Variants in ARSG observed in about 807,000 individuals in gnomAD.
The protein encoded by ARSG is ASG.
Under a neutral mutation model 50.5 loss-of-function variants are expected in ARSG, and 37 were observed. The ratio of observed to expected loss-of-function variants is 0.73; its 90% CI spans 0.56 to 0.96. ARSG has a LOEUF of 0.96. ARSG is among the 50% of genes least tolerant of loss of function. The pLI, the probability that ARSG is intolerant of heterozygous loss-of-function variation, is 0.00. For missense variants in ARSG, 629 were observed against 675.3 expected, an observed-to-expected ratio of 0.93 and a Z score of 0.76; for synonymous variants, 225 against 254.6, an observed-to-expected ratio of 0.88 and a Z score of 1.11.
chr17:68,443,986 G>A, the ARSG span, among the ~76,000 whole-genome samples: 5 of 152,032 alleles, frequency 3.3e-5, no homozygotes, highest in Admixed American at 6.5e-5. Context: ...GTTAAATCCC[G>A]AGAATTCAGT....
chr17:68,283,878 CAA>C (rs58291216), intron 1 of ARSG, among the ~76,000 whole-genome samples: 5 of 55,426 alleles, frequency 9.0e-5, no homozygotes, highest in African/African-American at 1.4e-4. Flanking sequence ...AACTCCGTCT[CAA>C]AAAAAAAAAA....
chr17:68,296,301 A>G (rs534052210), intron 1 of ARSG, among the ~76,000 whole-genome samples: 24 of 152,290 alleles, frequency 1.6e-4, no homozygotes, highest in African/African-American at 4.6e-4. Flanking sequence ...TCAAGGCCCA[A>G]TGAATAAAAA....
At chr17:68,313,339 T>A (rs1295829112) in intron 2 of ARSG, among the ~76,000 whole-genome samples, 2 of 152,136 alleles carry the variant, frequency 1.3e-5, no homozygotes, top group East Asian at 3.8e-4. Context: ...AAAATCAAGG[T>A]TATGACTGAA....
At chr17:68,438,601 T>C in the ARSG span, among the ~76,000 whole-genome samples, 2 of 152,172 alleles carry the variant, frequency 1.3e-5, no homozygotes, top group Admixed American at 6.5e-5. Flanking sequence ...TCAGCACATA[T>C]GTTTTGCTTT....
chr17:68,327,624 G>C (rs533952829), intron 2 of ARSG, among the ~76,000 whole-genome samples: 1 of 151,972 alleles, frequency 6.6e-6, no homozygotes, highest in Non-Finnish European at 1.5e-5. Flanking sequence ...ACTCTACTTC[G>C]GTATAATCTC....
In ARSG at chr17:68,271,017, T is replaced by G; in HGVS notation, c.-552+11591T>G. 1 of 1,614,114 alleles carries G rather than the reference T, an allele frequency of 6.2e-7. No homozygotes were observed. The highest frequency in any genetic ancestry group is 8.5e-7 in the Non-Finnish European group (1 of 1,180,032). ...TGCTGCATGACATTAGACCCCAGAA[T>G]TCAGTAGCAAAAGTAAAGGCAAACA... On this transcript the variant is annotated intron_variant, in intron 1 of 11. Coordinates refer to the ARSG transcript ENST00000448504. The surrounding 1 kb of genome is among the most constrained non-coding windows in gnomAD (Gnocchi z 5.3).
chr17:68,324,865 T>A (rs2077441098), intron 2 of ARSG, among the ~76,000 whole-genome samples: 1 of 152,206 alleles, frequency 6.6e-6, no homozygotes, highest in African/African-American at 2.4e-5. Context: ...TAACTTCTTT[T>A]GGGAAATGCT....
chr17:68,406,386 G>T (rs374086864), intron 11 of ARSG, among the ~76,000 whole-genome samples: 1 of 152,090 alleles, frequency 6.6e-6, no homozygotes, highest in Admixed American at 6.6e-5. Context: ...ATGACTTCTT[G>T]TCCTCTGGGT....
intron 2 of ARSG, among the ~76,000 whole-genome samples, chr17:68,320,103 A>G (rs1274556437): frequency 6.6e-6 from 1 of 152,190 alleles, no homozygotes; most frequent in Non-Finnish European, 1.5e-5. Flanking sequence ...CCTGGGCAAC[A>G]CGGTGAAATC....
intron 2 of ARSG, 121 bp from the exon 3 acceptor site, chr17:68,343,483 A>G (rs990763028): frequency 5.8e-6 from 6 of 1,033,746 alleles, no homozygotes; most frequent in East Asian, 5.1e-5. Context: ...GACTTGTTCC[A>G]TGACTGGGTG....
intron 3 of ARSG, 173 bp from the exon 4 acceptor site, chr17:68,346,952 C>A: frequency 1.3e-6 from 2 of 1,514,970 alleles, no homozygotes; most frequent in Non-Finnish European, 1.8e-6. Flanking sequence ...CTGTGGACAC[C>A]GTCTCGGCCC....
rs1435431336 is a variant in ARSG at position 68,321,122 on chromosome 17, C to G, written c.218+13411C>G. 6.6e-5 allele frequency among the ~76,000 whole-genome samples: 10 copies of G among 152,032 alleles called. 1 individual carries two copies. The highest frequency in any genetic ancestry group is 6.6e-4 in the Admixed American group (10 of 15,266). ...GAATTTGAGGCTGCAGTGCACTATC[C>G]TTGCTCCTGTAAATAGTCACTGCAC... On this transcript the variant is annotated intron_variant, in intron 2 of 11. Transcript: ENST00000621439.
intron 2 of ARSG, among the ~76,000 whole-genome samples, chr17:68,321,571 A>G (rs16972883): frequency 0.074 from 11,335 of 152,178 alleles, 1,436 homozygotes; most frequent in African/African-American, 0.26. Context: ...GCCACAGAAC[A>G]CCCCATCATC....
chr17:68,433,487 G>C, the ARSG span: 12 of 1,614,086 alleles, frequency 7.4e-6, no homozygotes, highest in African/African-American at 5.3e-5. Flanking sequence ...ACCTGTTCCA[G>C]CTTGAAGATG....
At chr17:68,353,546 G>A (rs1481270321) in intron 5 of ARSG, among the ~76,000 whole-genome samples, 2 of 152,092 alleles carry the variant, frequency 1.3e-5, no homozygotes, top group Non-Finnish European at 2.9e-5. Context: ...AACCAGCCCA[G>A]GGATTCTGCA....
the ARSG span, chr17:68,434,481 T>C: frequency 6.6e-7 from 1 of 1,513,782 alleles, no homozygotes; most frequent in South Asian, 1.2e-5. Flanking sequence ...CTCTGTCCTC[T>C]CCCTAGACAG....
chr17:68,261,972 C>T (rs113769715), intron 1 of ARSG, among the ~76,000 whole-genome samples: 9 of 150,598 alleles, frequency 6.0e-5, no homozygotes, highest in African/African-American at 2.0e-4. Context: ...GCCAACATGA[C>T]GAAACCCCAT....
chr17:68,394,670 A>G (rs2081152925), intron 9 of ARSG, among the ~76,000 whole-genome samples: 1 of 152,114 alleles, frequency 6.6e-6, no homozygotes, highest in East Asian at 1.9e-4. Context: ...ATTTATGGCA[A>G]TCAGGTTTGG....
intron 6 of ARSG, among the ~76,000 whole-genome samples, chr17:68,366,540 G>A (rs1237346460): frequency 6.6e-6 from 1 of 152,144 alleles, no homozygotes; most frequent in East Asian, 1.9e-4. Flanking sequence ...GGGAGAGTTG[G>A]CATCAGGCAC....
Sources: gnomAD v4.1 joint callset for allele counts (sites outside exome capture counted in the v4.1 genomes callset) on GRCh38, gnomAD v4.1.1 for gene constraint, Gnocchi (gnomAD v3.1) non-coding constraint, MANE v1.5 for transcripts, NCBI Gene and HGNC (gene_info 2026-07-23, HGNC 2026-07-21) for gene names.